SND1: variants seen among roughly 807,000 people sequenced by gnomAD.
SND1 encodes the protein staphylococcal nuclease and tudor domain containing 1.
A neutral mutation model predicts 121.7 loss-of-function variants in SND1; 38 were observed. The ratio of observed to expected loss-of-function variants is 0.31; its 90% CI spans 0.24 to 0.41. The LOEUF (loss-of-function observed/expected upper bound fraction) is 0.41, where lower values mean the gene tolerates loss of function less well. SND1 is among the 10% of genes least tolerant of loss of function. The pLI, the probability that SND1 is intolerant of heterozygous loss-of-function variation, is 1.00. For synonymous variants in SND1, 401 were observed against 447.4 expected, an observed-to-expected ratio of 0.90 and a Z score of 1.31; for missense variants, 868 against 1,184.6, an observed-to-expected ratio of 0.73 and a Z score of 3.92.
Position 127,783,985 on chromosome 7 carries a change from T to G in SND1, c.1153-23499T>G, listed in dbSNP as rs144528573. On this transcript the variant is annotated intron_variant, in intron 10 of 23. Coordinates refer to ENST00000354725, the MANE Select transcript of SND1 (RefSeq NM_014390.4). The stretch of plus-strand genomic sequence containing the variant: ...ATATTCATGGATTAATGTTACCACA[T>G]CTAATGGATATTCCAAGGTATAAAG... Among the ~76,000 whole-genome samples, 308 of 152,336 alleles carry G rather than the reference T, an allele frequency of 2.0e-3. 4 individuals are homozygous for G. Among genetic ancestry groups the G allele is most frequent in the African/African-American group, 7.0e-3 (290 of 41,568 alleles).
chr7:127,799,128 A>C (rs1278905819), intron 10 of SND1, among the ~76,000 whole-genome samples: 3 of 152,180 alleles, frequency 2.0e-5, no homozygotes, highest in East Asian at 1.9e-4. Context: ...GGTAGTCTGC[A>C]TGGTTATAAG....
chr7:127,999,094 T>G (rs1802752420), intron 16 of SND1: 1 of 152,266 alleles, frequency 6.6e-6, no homozygotes, highest in Non-Finnish European at 1.5e-5. Context: ...ATGGGCTGAC[T>G]GGTGTAGGTT....
chr7:127,784,073 A>T (rs367700567), intron 10 of SND1, among the ~76,000 whole-genome samples: 15 of 152,318 alleles, frequency 9.8e-5, no homozygotes, highest in African/African-American at 3.6e-4. Context: ...TTATATTGTG[A>T]TAGGTGCTTT....
chr7:128,079,185 C>A (rs1278267066), intron 17 of SND1, among the ~76,000 whole-genome samples: 2 of 152,244 alleles, frequency 1.3e-5, no homozygotes, highest in East Asian at 3.8e-4. Context: ...TCTGGAGGCC[C>A]AGGGCAAAAG....
intron 13 of SND1, among the ~76,000 whole-genome samples, chr7:127,890,203 T>A (rs1165676520): frequency 2.0e-5 from 3 of 152,142 alleles, no homozygotes; most frequent in African/African-American, 7.2e-5. Flanking sequence ...GCCTGTCTTT[T>A]GGATATAAGC....
At chr7:127,978,044 C>T (rs1802166744) in intron 15 of SND1, among the ~76,000 whole-genome samples, 2 of 152,004 alleles carry the variant, frequency 1.3e-5, no homozygotes, top group South Asian at 2.1e-4. Context: ...AGATGTTTGG[C>T]AATTGGGTAT....
At chr7:127,837,858 T>C (rs895234410) in intron 11 of SND1, among the ~76,000 whole-genome samples, 7 of 152,208 alleles carry the variant, frequency 4.6e-5, no homozygotes, top group Admixed American at 4.6e-4. Context: ...GCAAGAGAAG[T>C]AGCACTCGAA....
chr7:127,763,972 G>T (rs778947068), intron 10 of SND1, among the ~76,000 whole-genome samples: 7 of 149,462 alleles, frequency 4.7e-5, no homozygotes, highest in Non-Finnish European at 1.0e-4. Flanking sequence ...GGAGGCTGAG[G>T]TGGTTGCAGT....
At chr7:127,679,121 C>G (rs1323312163) in intron 1 of SND1, 2 of 152,214 alleles carry the variant, frequency 1.3e-5, no homozygotes, top group African/African-American at 4.8e-5. Context: ...TATATTGTTT[C>G]TGAGAAAAAG....
intron 16 of SND1, among the ~76,000 whole-genome samples, chr7:128,043,858 A>G (rs1399045179): frequency 2.3e-5 from 1 of 42,796 alleles, no homozygotes; most frequent in African/African-American, 2.0e-4. Flanking sequence ...ATATATATAC[A>G]CATATACACA....
At position 127,739,788 on chromosome 7, in the gene SND1, G is replaced by A. The variant is rs192850992; in HGVS notation, c.1152+18388G>A. ...CCTAGGTCTGAGGGTTTAGTACATG[G>A]TTAAATTGCTGGCCAAGGTGCTTCA... On this transcript the variant is annotated intron_variant, in intron 10 of 23. Transcript: ENST00000354725. 7.3e-4 allele frequency among the ~76,000 whole-genome samples: 111 copies of A among 152,336 alleles called. 1 individual carries two copies. Among genetic ancestry groups the A allele is most frequent in the Admixed American group, 2.0e-3 (30 of 15,300 alleles).
At chr7:127,820,258 C>G (rs1798522851) in intron 11 of SND1, among the ~76,000 whole-genome samples, 1 of 152,178 alleles carries the variant, frequency 6.6e-6, no homozygotes, top group Non-Finnish European at 1.5e-5. Flanking sequence ...TGTCATTTGT[C>G]AGTTCACTAC....
chr7:127,917,434 T>C (rs900707669), intron 14 of SND1, among the ~76,000 whole-genome samples: 6 of 152,218 alleles, frequency 3.9e-5, no homozygotes, highest in Non-Finnish European at 7.3e-5. Context: ...TACAAGTTGC[T>C]CTCTTTACTA....
intron 16 of SND1, among the ~76,000 whole-genome samples, chr7:128,046,332 G>GT (rs1240318116): frequency 4.3e-5 from 5 of 115,402 alleles, no homozygotes; most frequent in South Asian, 2.9e-4. Context: ...GGGGTTTTTT[G>GT]TTTTTTTGGG....
chr7:128,049,005 G>C (rs1793000708), intron 16 of SND1, among the ~76,000 whole-genome samples: 3 of 152,116 alleles, frequency 2.0e-5, no homozygotes, highest in Admixed American at 2.0e-4. Context: ...AGAGCCTTTT[G>C]GAGCTCCTTC....
At chr7:127,861,689 T>G (rs1449149212) in intron 12 of SND1, among the ~76,000 whole-genome samples, 3 of 152,196 alleles carry the variant, frequency 2.0e-5, no homozygotes, top group Non-Finnish European at 4.4e-5. Context: ...TTGGCCAGGC[T>G]AGGGATCCTG....
intron 15 of SND1, among the ~76,000 whole-genome samples, chr7:127,962,465 T>G (rs1801755885): frequency 6.6e-6 from 1 of 152,070 alleles, no homozygotes; most frequent in Non-Finnish European, 1.5e-5. Context: ...AACTGAAGAG[T>G]GTATTTCCCC....
At chr7:128,064,160 A>G (rs1250054300) in intron 16 of SND1, among the ~76,000 whole-genome samples, 2 of 152,168 alleles carry the variant, frequency 1.3e-5, no homozygotes, top group African/African-American at 2.4e-5. Flanking sequence ...GGTAGGTAGC[A>G]TTCATTATTA....
intron 15 of SND1, among the ~76,000 whole-genome samples, chr7:127,950,289 AG>A (rs1801432474): frequency 6.6e-6 from 1 of 152,208 alleles, no homozygotes; most frequent in Non-Finnish European, 1.5e-5. Context: ...CTAAGAGAAC[AG>A]GTTCTGGAGC....
Sources: gnomAD v4.1 joint callset for allele counts (sites outside exome capture counted in the v4.1 genomes callset) on GRCh38, gnomAD v4.1.1 for gene constraint, MANE v1.5 for transcripts, NCBI Gene and HGNC (gene_info 2026-07-23, HGNC 2026-07-21) for gene names.